The following RGS7 variants were observed in gnomAD, a reference collection of about 807,000 sequenced individuals.
RGS7 encodes regulator of G-protein signaling 7.
In RGS7, 27 loss-of-function variants were observed where a neutral mutation model predicts 81.1. The observed-to-expected ratio is 0.33, with a 90% CI of 0.25 to 0.46. The LOEUF is 0.46. Among genes scored for constraint, RGS7 ranks in the 20% least tolerant of loss-of-function variants. The pLI, the probability that RGS7 is intolerant of heterozygous loss-of-function variation, is 1.00. For synonymous variants in RGS7, 208 were observed against 207.7 expected, an observed-to-expected ratio of 1.00 and a Z score of -0.01; for missense variants, 396 against 607.4, an observed-to-expected ratio of 0.65 and a Z score of 3.66.
intron 4 of RGS7, among the ~76,000 whole-genome samples, chr1:240,942,086 G>A (rs1677684448): frequency 6.6e-6 from 1 of 152,028 alleles, no homozygotes; most frequent in African/African-American, 2.4e-5. Flanking sequence ...GAACAGCCTA[G>A]AACAGCTTTG....
rs36194238 is a variant in RGS7, at chr1:240,932,876, C to CTTTTTT, written c.334-2114_334-2109dup. Among the ~76,000 whole-genome samples, 228 of 57,346 alleles carry CTTTTTT rather than the reference C, an allele frequency of 4.0e-3. 15 individuals carry two copies. Among genetic ancestry groups the CTTTTTT allele is most frequent in the Non-Finnish European group, 5.9e-3 (188 of 32,074 alleles). 37.6% of individuals were successfully genotyped at this position (57,346 alleles called of 152,430 possible). ...GATATATTTCTACTTTGGTATCTTT[C>CTTTTTT]TTTTTTTTTTTTTTTTTTTTTTTTT... On this transcript the variant is annotated intron_variant, in intron 5 of 18. Transcript: ENST00000440928.
intron 2 of RGS7, among the ~76,000 whole-genome samples, chr1:241,308,513 G>A (rs1390839743): frequency 1.3e-5 from 2 of 152,174 alleles, no homozygotes; most frequent in African/African-American, 4.8e-5. Flanking sequence ...TCTTTTATCA[G>A]CTGGTCTATT....
chr1:241,167,812 C>T (rs1199670385), intron 2 of RGS7, among the ~76,000 whole-genome samples: 2 of 152,096 alleles, frequency 1.3e-5, no homozygotes, highest in Non-Finnish European at 2.9e-5. Flanking sequence ...ACCACCACGC[C>T]CGGCCTGATC....
rs770884303 is a variant in RGS7 at position 241,098,768 on chromosome 1, CAAT to C, written c.79-9_79-7del. On this transcript the variant is annotated splice_region_variant and splice_polypyrimidine_tract_variant and intron_variant, in intron 2 of 18. Coordinates refer to ENST00000440928, the MANE Select transcript of RGS7 (RefSeq NM_001364886.1). The stretch of plus-strand genomic sequence containing the variant: ...CGTGCTATGACGTCTTCCATCTAAA[CAAT>C]AATAACATAATTAAAACCTTTATAA... 30 of 1,589,156 alleles carry C rather than the reference CAAT, an allele frequency of 1.9e-5. No homozygotes were observed. Among genetic ancestry groups the C allele is most frequent in the African/African-American group, 8.0e-5 (6 of 74,538 alleles).
intron 3 of RGS7, among the ~76,000 whole-genome samples, chr1:241,022,914 C>G (rs1296862058): frequency 6.6e-6 from 1 of 152,100 alleles, no homozygotes; most frequent in East Asian, 1.9e-4. Flanking sequence ...ACCTCACTAA[C>G]TCCATGCTCC....
chr1:241,334,849 G>A (rs1210027223), intron 2 of RGS7, among the ~76,000 whole-genome samples: 2 of 135,124 alleles, frequency 1.5e-5, no homozygotes, highest in Non-Finnish European at 3.0e-5. Context: ...CATTAATTGT[G>A]TTACACTACA....
intron 5 of RGS7, among the ~76,000 whole-genome samples, chr1:240,933,141 CAA>C (rs1675969510): frequency 6.6e-6 from 1 of 151,522 alleles, no homozygotes; most frequent in Non-Finnish European, 1.5e-5. Flanking sequence ...CTCGGCCCCA[CAA>C]AGTGCTGGGA....
intron 2 of RGS7, among the ~76,000 whole-genome samples, chr1:241,185,435 G>A (rs1284668309): frequency 1.3e-5 from 2 of 151,986 alleles, no homozygotes; most frequent in African/African-American, 4.8e-5. Context: ...GCAGTTAATA[G>A]AACAAATAAA....
In RGS7 at chr1:241,011,168, G is replaced by A. The variant is rs769538796; in HGVS notation, c.176-28039C>T. On this transcript the variant is annotated intron_variant, in intron 3 of 18. Transcript: ENST00000440928. The stretch of plus-strand genomic sequence containing the variant: ...TTAGGATAAGAAATAAAATGATTTT[G>A]TTTTTCACATTTTTAAAAAAGTTCT... Among the ~76,000 whole-genome samples, 9 of 152,256 alleles carry A rather than the reference G, an allele frequency of 5.9e-5. No individual in the cohort carries two copies. In the East Asian group the frequency reaches 1.7e-3, roughly 29 times the overall value.
rs537386481 is a variant in RGS7, at chr1:240,800,521, C to A, written c.*6+120G>T. On this transcript the variant is annotated intron_variant, in intron 18 of 18. Transcript: ENST00000440928. ...TGCTCACATTTCAACACACATAACT[C>A]CACTGAACTGGCCATCACAGCAAAA... The A allele has an allele frequency of 6.2e-6, 3 of 480,014 alleles. No homozygotes were observed. The East Asian group carries it at 1.0e-4, about 17-fold the overall frequency. 29.7% of individuals were successfully genotyped at this position (480,014 alleles called of 1,614,324 possible). A position where few individuals can be genotyped will look rare whatever the true frequency, so the allele number is the denominator to read the frequency against.
intron 10 of RGS7, among the ~76,000 whole-genome samples, chr1:240,816,865 A>G (rs994787466): frequency 1.4e-4 from 22 of 152,352 alleles, no homozygotes; most frequent in African/African-American, 5.1e-4. Flanking sequence ...GAGAGTGACA[A>G]GTCAAGAATT....
At chr1:240,830,805 A>C (rs182145270) in intron 9 of RGS7, among the ~76,000 whole-genome samples, 21 of 152,358 alleles carry the variant, frequency 1.4e-4, no homozygotes, top group Admixed American at 1.2e-3. Flanking sequence ...CATAATTAAC[A>C]AATGGCCCTG....
At chr1:240,916,724 A>G (rs1165377741) in intron 6 of RGS7, among the ~76,000 whole-genome samples, 1 of 152,226 alleles carries the variant, frequency 6.6e-6, no homozygotes, top group Non-Finnish European at 1.5e-5. Flanking sequence ...CCAAGGAGAG[A>G]GCCTCAAGAG....
At chr1:241,317,560 A>G (rs1365611065) in intron 2 of RGS7, among the ~76,000 whole-genome samples, 2 of 152,204 alleles carry the variant, frequency 1.3e-5, no homozygotes, top group Non-Finnish European at 2.9e-5. Flanking sequence ...CCAAATCCTG[A>G]GGCAGGCTTC....
intron 3 of RGS7, among the ~76,000 whole-genome samples, chr1:241,004,040 T>G (rs1308863174): frequency 6.6e-6 from 1 of 152,128 alleles, no homozygotes; most frequent in Non-Finnish European, 1.5e-5. Flanking sequence ...TAAACCAGAT[T>G]CATTTAGGAC....
intron 4 of RGS7, among the ~76,000 whole-genome samples, chr1:240,974,042 G>C (rs1208932680): frequency 6.6e-6 from 1 of 152,202 alleles, no homozygotes; most frequent in Non-Finnish European, 1.5e-5. Context: ...CAGAAGACTT[G>C]TGGCAGGCTT....
In RGS7 at chr1:240,801,439, A is replaced by T; in HGVS notation, c.1413+16T>A. The T allele has an allele frequency of 6.4e-7, 1 of 1,562,292 alleles. No individual in the cohort carries two copies. Among genetic ancestry groups the T allele is most frequent in the Non-Finnish European group, 8.8e-7 (1 of 1,135,584 alleles). ...TGGACTTAATGATTCATAATTCCTC[A>T]AAAAATTAAACTTACCACATTCTGT... On this transcript the variant is annotated intron_variant, in intron 17 of 18. Coordinates refer to ENST00000440928, the MANE Select transcript of RGS7 (RefSeq NM_001364886.1).
intron 2 of RGS7, among the ~76,000 whole-genome samples, chr1:241,331,778 T>C (rs912508644): frequency 2.0e-5 from 3 of 152,184 alleles, no homozygotes; most frequent in Admixed American, 6.5e-5. Context: ...CAATACAGCT[T>C]CTATTCAGAT....
intron 2 of RGS7, among the ~76,000 whole-genome samples, chr1:241,310,841 T>C (rs2080484576): frequency 6.6e-6 from 1 of 152,152 alleles, no homozygotes; most frequent in Non-Finnish European, 1.5e-5. Context: ...ATCAAAGGGG[T>C]TCACTTGGCT....
Sources: gnomAD v4.1 joint callset for allele counts (sites outside exome capture counted in the v4.1 genomes callset) on GRCh38, gnomAD v4.1.1 for gene constraint, MANE v1.5 for transcripts, NCBI Gene and HGNC (gene_info 2026-07-23, HGNC 2026-07-21) for gene names.